TUBA1A: variants seen among roughly 807,000 people sequenced by gnomAD.
The protein encoded by TUBA1A is tubulin alpha 1a.
In TUBA1A, 7 loss-of-function variants were observed where a neutral mutation model predicts 34.6. That is an observed-to-expected ratio of 0.20 (90% CI 0.11 to 0.38). TUBA1A has a LOEUF of 0.38. Ranked by LOEUF, TUBA1A falls within the 10% of genes least tolerant of loss-of-function variation. The probability of loss-of-function intolerance (pLI) is 1.00; values close to 1 mark genes in which losing one functional copy is unlikely to be tolerated. For missense variants in TUBA1A, 19 were observed against 581.3 expected (o/e 0.03, Z 9.95); for synonymous variants, 193 against 210.2 (o/e 0.92, Z 0.71).
intron 1 of TUBA1A, chr12:49,187,245 A>G (rs761278090): frequency 2.1e-5 from 23 of 1,113,078 alleles, no homozygotes; most frequent in Non-Finnish European, 2.2e-5. Flanking sequence ...ACTTGATATT[A>G]TAATCCGGAC....
At position 49,188,560 on chromosome 12, in the gene TUBA1A, T is replaced by C; in HGVS notation, c.3+417A>G. 1.3e-6 allele frequency: 2 copies of C among 1,484,742 alleles called. No individual in the cohort carries two copies. Among genetic ancestry groups the C allele is most frequent in the Non-Finnish European group, 1.8e-6 (2 of 1,118,314 alleles). 92.0% of individuals were successfully genotyped at this position (1,484,742 alleles called of 1,614,324 possible). A position where few individuals can be genotyped will look rare whatever the true frequency, so the allele number is the denominator to read the frequency against. On this transcript the variant is annotated intron_variant, in intron 1 of 3. Transcript: ENST00000301071. This position sits in a 1 kb window ranked among gnomAD's most constrained non-coding sequence, Gnocchi z 4.9. ...GCCCAACGCCCCCGCTCTTTTTGGGTGCCTCCTCCTCTCCCGGTCCCCAGA... is the reference window on the plus strand; with the variant it reads ...GCCCAACGCCCCCGCTCTTTTTGGGCGCCTCCTCCTCTCCCGGTCCCCAGA...
chr12:49,188,687 GGGCTGCCCGC>G lies in TUBA1A; in HGVS notation c.3+280_3+289del. On this transcript the variant is annotated intron_variant, in intron 1 of 3. Coordinates refer to ENST00000301071, the MANE Select transcript of TUBA1A (RefSeq NM_006009.4). This position sits in a 1 kb window ranked among gnomAD's most constrained non-coding sequence, Gnocchi z 4.9. ...CCCAGACCCCTCGGTCGCGGCAGACGGGCTGCCCGCGGCCCCCGAAAGTCTCTCGGATAAC... is the reference window on the plus strand; with the variant it reads ...CCCAGACCCCTCGGTCGCGGCAGACGGGCCCCCGAAAGTCTCTCGGATAAC... 7.0e-7 allele frequency: 1 copy of G among 1,437,500 alleles called. No homozygotes were observed. Among genetic ancestry groups the G allele is most frequent in the Non-Finnish European group, 9.1e-7 (1 of 1,102,752 alleles). 89.0% of individuals were successfully genotyped at this position (1,437,500 alleles called of 1,614,324 possible). A position where few individuals can be genotyped will look rare whatever the true frequency, so the allele number is the denominator to read the frequency against.
At chr12:49,187,721 T>G in intron 1 of TUBA1A, 3 of 850,932 alleles carry the variant, frequency 3.5e-6, no homozygotes, top group Non-Finnish European at 4.0e-6. Context: ...CATGAAAAGG[T>G]ACCAAAGAAT....
rs1329116026 is a variant in TUBA1A, at chr12:49,188,711, C to G, written c.3+266G>C. On this transcript the variant is annotated intron_variant, in intron 1 of 3. Transcript: ENST00000301071. The surrounding 1 kb of genome is among the most constrained non-coding windows in gnomAD (Gnocchi z 4.9). ...CGGGCTGCCCGCGGCCCCCGAAAGT[C>G]TCTCGGATAACACAGGCGCCTAGGC... 1.4e-6 allele frequency: 2 copies of G among 1,442,184 alleles called. No individual in the cohort carries two copies. The highest frequency in any genetic ancestry group is 1.8e-6 in the Non-Finnish European group (2 of 1,105,698). 89.3% of individuals were successfully genotyped at this position (1,442,184 alleles called of 1,614,324 possible).
In TUBA1A at chr12:49,186,992, G is replaced by A; in HGVS notation, c.4-159C>T. ...ATACAAAGATTAAGGAAAATCACCTGCTACAAATGCTGCATATGGGTGTGG... is the reference window on the plus strand; with the variant it reads ...ATACAAAGATTAAGGAAAATCACCTACTACAAATGCTGCATATGGGTGTGG... On this transcript the variant is annotated intron_variant, in intron 1 of 3. Coordinates refer to ENST00000301071, the MANE Select transcript of TUBA1A (RefSeq NM_006009.4). This position sits in a 1 kb window ranked among gnomAD's most constrained non-coding sequence, Gnocchi z 6.6. The A allele has an allele frequency of 1.3e-6, 2 of 1,488,816 alleles. No homozygotes were observed. The highest frequency in any genetic ancestry group is 8.9e-7 in the Non-Finnish European group (1 of 1,126,022). The allele number at this position is 1,488,816 out of a possible 1,614,324, so 92.2% of individuals were successfully genotyped here.
chr12:49,186,199 T>A lies in TUBA1A; in HGVS notation c.375+111A>T. The A allele has an allele frequency of 1.9e-6, 3 of 1,604,154 alleles. No individual in the cohort carries two copies. The South Asian group carries it at 3.3e-5, about 18-fold the overall frequency. On this transcript the variant is annotated intron_variant, in intron 3 of 3. Transcript: ENST00000301071. This position sits in a 1 kb window ranked among gnomAD's most constrained non-coding sequence, Gnocchi z 6.6. The stretch of plus-strand genomic sequence containing the variant: ...TTAAAAACCCCAAAAGAATGACTCA[T>A]TCCACTCTTTATTAAAATAACAGTT...
In TUBA1A at chr12:49,188,077, G is replaced by GACACACACACACACACACACACAC. The variant is rs35097794; in HGVS notation, c.3+876_3+899dup. The GACACACACACACACACACACACAC allele has an allele frequency of 4.7e-6, 4 of 852,966 alleles. No individual in the cohort carries two copies. In the African/African-American group the frequency reaches 9.5e-5, roughly 20 times the overall value. 52.8% of individuals were successfully genotyped at this position (852,966 alleles called of 1,614,324 possible). On this transcript the variant is annotated intron_variant, in intron 1 of 3. Transcript: ENST00000301071. The surrounding 1 kb of genome is among the most constrained non-coding windows in gnomAD (Gnocchi z 4.9). ...GTCGGTCAGGGCAGGGCGTCCCACA[G>GACACACACACACACACACACACAC]ACACACACACACACACACACACACA...
Position 49,188,918 on chromosome 12 carries a change from T to C in TUBA1A, c.3+59A>G. The C allele has an allele frequency of 2.5e-6, 4 of 1,614,080 alleles. No individual in the cohort carries two copies. Among genetic ancestry groups the C allele is most frequent in the South Asian group, 2.2e-5 (2 of 91,080 alleles). On this transcript the variant is annotated intron_variant, in intron 1 of 3. Transcript: ENST00000301071. This position sits in a 1 kb window ranked among gnomAD's most constrained non-coding sequence, Gnocchi z 4.9. ...GAAAAGAGCTTAAAGGTTTTCCAAG[T>C]AGAGCCTGGGGGCGCTGACTCCACC...
intron 1 of TUBA1A, 168 bp from the exon 2 acceptor site, chr12:49,187,001 GC>G: frequency 6.7e-7 from 1 of 1,484,862 alleles, no homozygotes. Flanking sequence ...TGCTACAAAT[GC>G]TGCATATGGG....
At position 49,186,496 on chromosome 12, in the gene TUBA1A, G is replaced by T; in HGVS notation, c.227-38C>A. The stretch of plus-strand genomic sequence containing the variant: ...ATGGGGGAGGAGCAGGGGGGAGGAG[G>T]AGGAGGGACGAGGAGCGGGGAGGGA... On this transcript the variant is annotated intron_variant, in intron 2 of 3. Coordinates refer to ENST00000301071, the MANE Select transcript of TUBA1A (RefSeq NM_006009.4). The surrounding 1 kb of genome is among the most constrained non-coding windows in gnomAD (Gnocchi z 6.6). The T allele has an allele frequency of 6.2e-7, 1 of 1,612,052 alleles. No individual in the cohort carries two copies. Among genetic ancestry groups the T allele is most frequent in the African/African-American group, 1.3e-5 (1 of 74,504 alleles).
rs1440511933 is a variant in TUBA1A at position 49,186,759 on chromosome 12, C to T, written c.78G>A (p.Leu26=). The T allele has an allele frequency of 4.3e-6, 7 of 1,614,066 alleles. No homozygotes were observed. Among genetic ancestry groups the T allele is most frequent in the Non-Finnish European group, 5.9e-6 (7 of 1,180,038 alleles). The change falls in exon 2 of 4, where the codon CTG becomes CTA. Residue 26 remains leucine, a synonymous_variant. Transcript: ENST00000301071. This position sits in a 1 kb window ranked among gnomAD's most constrained non-coding sequence, Gnocchi z 6.6. ...IGNACWELYC[L]EHGIQPDGQM... is the part of the protein sequence containing the mutation. ...GGCCATCGGGCTGGATGCCGTGTTC[C>T]AGGCAGTAGAGCTCCCAGCAGGCAT...
chr12:49,188,284 C>A lies in TUBA1A; in HGVS notation c.3+693G>T. ...AAGGTTTTTTTGTTTTTTTTTCAGT[C>A]AGCTCCTGACAGAAGAGGTTCAGTG... On this transcript the variant is annotated intron_variant, in intron 1 of 3. Coordinates refer to ENST00000301071, the MANE Select transcript of TUBA1A (RefSeq NM_006009.4). The surrounding 1 kb of genome is among the most constrained non-coding windows in gnomAD (Gnocchi z 4.9). 1 of 1,392,672 alleles carries A rather than the reference C, an allele frequency of 7.2e-7. No individual in the cohort carries two copies. The highest frequency in any genetic ancestry group is 1.6e-5 in the South Asian group (1 of 63,140). 86.3% of individuals were successfully genotyped at this position (1,392,672 alleles called of 1,614,324 possible).
chr12:49,186,768 G>A lies in TUBA1A; in HGVS notation c.69C>T (p.Leu23=). The A allele has an allele frequency of 6.2e-7, 1 of 1,614,202 alleles. No individual in the cohort carries two copies. The highest frequency in any genetic ancestry group is 8.5e-7 in the Non-Finnish European group (1 of 1,180,042). ...GVQIGNACWE[L]YCLEHGIQPD... is the part of the protein sequence containing the mutation. ...GCTGGATGCCGTGTTCCAGGCAGTA[G>A]AGCTCCCAGCAGGCATTGCCAATCT... Residue 23 remains leucine, a synonymous_variant, in exon 2 of 4, where the codon CTC becomes CTT. Coordinates refer to ENST00000301071, the MANE Select transcript of TUBA1A (RefSeq NM_006009.4). The surrounding 1 kb of genome is among the most constrained non-coding windows in gnomAD (Gnocchi z 6.6).
Position 49,188,327 on chromosome 12 carries a change from G to C in TUBA1A, c.3+650C>G. ...GTTCAGTGAGGGCGAACCCCGCCCA[G>C]TGGCTCCAACGCCATAGAAGCCAGA... On this transcript the variant is annotated intron_variant, in intron 1 of 3. Coordinates refer to ENST00000301071, the MANE Select transcript of TUBA1A (RefSeq NM_006009.4). The surrounding 1 kb of genome is among the most constrained non-coding windows in gnomAD (Gnocchi z 4.9). 6.6e-7 allele frequency: 1 copy of C among 1,519,124 alleles called. No homozygotes were observed. The allele number at this position is 1,519,124 out of a possible 1,614,324, so 94.1% of individuals were successfully genotyped here. A position where few individuals can be genotyped will look rare whatever the true frequency, so the allele number is the denominator to read the frequency against.
At position 49,186,909 on chromosome 12, in the gene TUBA1A, T is replaced by C; in HGVS notation, c.4-76A>G. 6.4e-7 allele frequency: 1 copy of C among 1,570,814 alleles called. No homozygotes were observed. Among genetic ancestry groups the C allele is most frequent in the Non-Finnish European group, 8.6e-7 (1 of 1,160,338 alleles). ...TCAAACTTATAGGAAATTTCAAAAA[T>C]ATTTCTAATAATATACAGATATTTT... On this transcript the variant is annotated intron_variant, in intron 1 of 3. Transcript: ENST00000301071. This position sits in a 1 kb window ranked among gnomAD's most constrained non-coding sequence, Gnocchi z 6.6.
chr12:49,188,341 A>C lies in TUBA1A; in HGVS notation c.3+636T>G. 10 of 1,529,088 alleles carry C rather than the reference A, an allele frequency of 6.5e-6. No individual in the cohort carries two copies. The highest frequency in any genetic ancestry group is 8.8e-6 in the Non-Finnish European group (10 of 1,141,746). The allele number at this position is 1,529,088 out of a possible 1,614,324, so 94.7% of individuals were successfully genotyped here. On this transcript the variant is annotated intron_variant, in intron 1 of 3. Transcript: ENST00000301071. The surrounding 1 kb of genome is among the most constrained non-coding windows in gnomAD (Gnocchi z 4.9). ...AACCCCGCCCAGTGGCTCCAACGCCATAGAAGCCAGAAACAAACAACCCCG... is the reference window on the plus strand; with the variant it reads ...AACCCCGCCCAGTGGCTCCAACGCCCTAGAAGCCAGAAACAAACAACCCCG...
Position 49,188,287 on chromosome 12 carries a change from C to A in TUBA1A, c.3+690G>T. 2 of 1,431,802 alleles carry A rather than the reference C, an allele frequency of 1.4e-6. No individual in the cohort carries two copies. Among genetic ancestry groups the A allele is most frequent in the South Asian group, 1.4e-5 (1 of 70,716 alleles). 88.7% of individuals were successfully genotyped at this position (1,431,802 alleles called of 1,614,324 possible). A position where few individuals can be genotyped will look rare whatever the true frequency, so the allele number is the denominator to read the frequency against. On this transcript the variant is annotated intron_variant, in intron 1 of 3. Transcript: ENST00000301071. This position sits in a 1 kb window ranked among gnomAD's most constrained non-coding sequence, Gnocchi z 4.9. ...GTTTTTTTGTTTTTTTTTCAGTCAG[C>A]TCCTGACAGAAGAGGTTCAGTGAGG...
rs1486422773 is a variant in TUBA1A, at chr12:49,187,322, TAGG to T, written c.4-492_4-490del. 9.5e-6 allele frequency: 10 copies of T among 1,051,512 alleles called. No individual in the cohort carries two copies. The African/African-American group carries it at 1.7e-4, about 18-fold the overall frequency. The allele number at this position is 1,051,512 out of a possible 1,614,324, so 65.1% of individuals were successfully genotyped here. A position where few individuals can be genotyped will look rare whatever the true frequency, so the allele number is the denominator to read the frequency against. ...GTCTGTCTGCAGAATCCATCAATAC[TAGG>T]AGTTTAGACAAGGTCTGCCTTCTGC... On this transcript the variant is annotated intron_variant, in intron 1 of 3. Coordinates refer to ENST00000301071, the MANE Select transcript of TUBA1A (RefSeq NM_006009.4).
chr12:49,188,697 C>T lies in TUBA1A; in HGVS notation c.3+280G>A. 2 of 1,438,360 alleles carry T rather than the reference C, an allele frequency of 1.4e-6. No homozygotes were observed. Among genetic ancestry groups the T allele is most frequent in the South Asian group, 1.5e-5 (1 of 66,622 alleles). 89.1% of individuals were successfully genotyped at this position (1,438,360 alleles called of 1,614,324 possible). A position where few individuals can be genotyped will look rare whatever the true frequency, so the allele number is the denominator to read the frequency against. On this transcript the variant is annotated intron_variant, in intron 1 of 3. Coordinates refer to ENST00000301071, the MANE Select transcript of TUBA1A (RefSeq NM_006009.4). The surrounding 1 kb of genome is among the most constrained non-coding windows in gnomAD (Gnocchi z 4.9). The stretch of plus-strand genomic sequence containing the variant: ...TCGGTCGCGGCAGACGGGCTGCCCG[C>T]GGCCCCCGAAAGTCTCTCGGATAAC...
Sources: gnomAD v4.1 joint callset for allele counts on GRCh38, gnomAD v4.1.1 for gene constraint, Gnocchi (gnomAD v3.1) non-coding constraint, MANE v1.5 for transcripts, NCBI Gene and HGNC (gene_info 2026-07-23, HGNC 2026-07-21) for gene names.